CACNA1C: variants seen among roughly 807,000 people sequenced by gnomAD.
CACNA1C encodes voltage-dependent L-type calcium channel subunit alpha-1C.
Under a neutral mutation model 229.0 loss-of-function variants are expected in CACNA1C, and 30 were observed. The observed-to-expected ratio is 0.13, with a 90% CI of 0.10 to 0.18. The LOEUF is 0.18. Among genes scored for constraint, CACNA1C ranks in the 10% least tolerant of loss-of-function variants. The probability of loss-of-function intolerance (pLI) is 1.00; values close to 1 mark genes in which losing one functional copy is unlikely to be tolerated. For synonymous variants in CACNA1C, 1,114 were observed against 1,132.5 expected, an observed-to-expected ratio of 0.98 and a Z score of 0.33; for missense variants, 1,658 against 2,845.0, an observed-to-expected ratio of 0.58 and a Z score of 9.49.
chr12:2,421,130 A>G (rs1247509073), intron 3 of CACNA1C, among the ~76,000 whole-genome samples: 1 of 152,216 alleles, frequency 6.6e-6, no homozygotes, highest in African/African-American at 2.4e-5. Context: ...TCCAACCCAA[A>G]CGTGCAGAAT....
intron 5 of CACNA1C, among the ~76,000 whole-genome samples, chr12:2,458,126 A>T (rs1166939096): frequency 1.3e-5 from 2 of 152,208 alleles, no homozygotes; most frequent in African/African-American, 4.8e-5. Flanking sequence ...TCAGGAAAGC[A>T]TCAGTGGATG....
At chr12:2,231,696 C>T (rs2065192031) in intron 3 of CACNA1C, among the ~76,000 whole-genome samples, 1 of 152,144 alleles carries the variant, frequency 6.6e-6, no homozygotes, top group Non-Finnish European at 1.5e-5. Flanking sequence ...ACAGCTTGAA[C>T]ACAGGACCTA....
In CACNA1C at chr12:2,686,225, A is replaced by T. The variant is rs762490112; in HGVS notation, c.5740A>T (p.Ile1914Phe). Residue 1914 changes from isoleucine (I) to phenylalanine (F), a missense_variant, in exon 45 of 47, where the codon ATC becomes TTC. By Grantham distance (21) the Ile-to-Phe change is conservative (BLOSUM62 0). Coordinates refer to ENST00000399655, the MANE Select transcript of CACNA1C (RefSeq NM_000719.7). ...GCGACAGAAGGACCGAGGGGGAGAC[A>T]TCTCTCAGAAGACAGTCCTGCCCTT... ...LKRQKDRGGD[I>F]SQKTVLPLHL... 1 of 1,613,534 alleles carries T rather than the reference A, an allele frequency of 6.2e-7. No homozygotes were observed. Among genetic ancestry groups the T allele is most frequent in the Non-Finnish European group, 8.5e-7 (1 of 1,179,872 alleles).
chr12:2,280,898 G>A (rs1159465588), intron 3 of CACNA1C, among the ~76,000 whole-genome samples: 1 of 152,130 alleles, frequency 6.6e-6, no homozygotes, highest in East Asian at 1.9e-4. Flanking sequence ...CATCTCTTCT[G>A]TTGACTTATT....
intron 3 of CACNA1C, among the ~76,000 whole-genome samples, chr12:2,408,997 G>A (rs966554745): frequency 1.3e-5 from 2 of 152,116 alleles, no homozygotes; most frequent in Non-Finnish European, 1.5e-5. Context: ...AATCCCAGGT[G>A]TGTTGACTAG....
At position 2,617,545 on chromosome 12, in the gene CACNA1C, A is replaced by G. The variant is rs190775299; in HGVS notation, c.3828+5532A>G. On this transcript the variant is annotated intron_variant, in intron 29 of 46. Transcript: ENST00000399655. Reference sequence around the variant, plus strand: ...AGCCGTCCTCGTATCCAGTGTGCCCATGTGGGGGCAGGGATCCTGTGGCTT... The same window carrying G: ...AGCCGTCCTCGTATCCAGTGTGCCCGTGTGGGGGCAGGGATCCTGTGGCTT... 2.6e-5 allele frequency among the ~76,000 whole-genome samples: 4 copies of G among 152,300 alleles called. No homozygotes were observed. The East Asian group carries it at 7.7e-4, about 29-fold the overall frequency.
At chr12:2,475,477 A>G (rs2099621926) in intron 5 of CACNA1C, among the ~76,000 whole-genome samples, 1 of 152,260 alleles carries the variant, frequency 6.6e-6, no homozygotes, top group African/African-American at 2.4e-5. Flanking sequence ...AACTGTATTT[A>G]CCACATTCAG....
At chr12:1,992,100 A>G in intron 1 of CACNA1C, 1 of 337,090 alleles carries the variant, frequency 3.0e-6, no homozygotes. Flanking sequence ...GTCTTTAGTA[A>G]TAAACTACAA....
At chr12:2,011,871 T>C (rs911504837) in intron 1 of CACNA1C, among the ~76,000 whole-genome samples, 8 of 152,206 alleles carry the variant, frequency 5.3e-5, no homozygotes, top group African/African-American at 1.9e-4. Flanking sequence ...GTGGATGGGC[T>C]CTCGCTGTAG....
rs2238087 is a variant in CACNA1C, at chr12:2,504,550, C to T, written c.1114-292C>T. 0.078 allele frequency: 116,053 copies of T among 1,483,106 alleles called. 4,849 individuals carry two copies. The highest frequency in any genetic ancestry group is 0.13 in the East Asian group (5,582 of 44,228). The allele number at this position is 1,483,106 out of a possible 1,614,324, so 91.9% of individuals were successfully genotyped here. On this transcript the variant is annotated intron_variant, in intron 7 of 46. Transcript: ENST00000399655. The surrounding 1 kb of genome is among the most constrained non-coding windows in gnomAD (Gnocchi z 6.8). ...CGGTGTGTTGAGCGGGTAAGCTGAC[C>T]GTTTCTATGTCCTCTCCACAACGCA...
chr12:2,680,379 A>C (rs1379053934), intron 42 of CACNA1C: 2 of 1,556,010 alleles, frequency 1.3e-6, no homozygotes, highest in African/African-American at 2.7e-5. Context: ...CTGCTGTGAC[A>C]TGCTGGATGG....
chr12:2,373,416 G>A (rs554255999), intron 3 of CACNA1C, among the ~76,000 whole-genome samples: 4 of 152,122 alleles, frequency 2.6e-5, no homozygotes, highest in Non-Finnish European at 4.4e-5. Context: ...GGAGTTTTGG[G>A]GGAGGCTGCA....
intron 3 of CACNA1C, among the ~76,000 whole-genome samples, chr12:2,171,753 G>A (rs778351485): frequency 1.1e-4 from 16 of 152,142 alleles, no homozygotes; most frequent in Non-Finnish European, 2.2e-4. Flanking sequence ...TTCAAATACG[G>A]GTAAGTGCTT....
chr12:2,491,368 G>A (rs897739652), intron 6 of CACNA1C, among the ~76,000 whole-genome samples: 10 of 151,958 alleles, frequency 6.6e-5, no homozygotes, highest in Non-Finnish European at 1.5e-4. Context: ...TAAATTCTGA[G>A]GCATGTAAAT....
chr12:2,661,606 A>G (rs2095744856), intron 34 of CACNA1C, among the ~76,000 whole-genome samples: 2 of 152,188 alleles, frequency 1.3e-5, no homozygotes, highest in African/African-American at 4.8e-5. Context: ...TAAACTTTCC[A>G]GGAACAGAAA....
At chr12:2,484,963 A>C (rs549856420) in intron 5 of CACNA1C, among the ~76,000 whole-genome samples, 92 of 148,624 alleles carry the variant, frequency 6.2e-4, no homozygotes, top group Admixed American at 5.9e-3. Flanking sequence ...GAATCATTCT[A>C]ATCAGCCTTG....
intron 3 of CACNA1C, among the ~76,000 whole-genome samples, chr12:2,419,895 G>A (rs574851523): frequency 6.6e-6 from 1 of 152,230 alleles, no homozygotes; most frequent in African/African-American, 2.4e-5. Context: ...TGTCATCATG[G>A]GTGCCGGGGC....
chr12:2,565,383 C>T lies in CACNA1C; in HGVS notation c.1509-1039C>T, dbSNP rs563883484. On this transcript the variant is annotated intron_variant, in intron 11 of 46. Coordinates refer to ENST00000399655, the MANE Select transcript of CACNA1C (RefSeq NM_000719.7). ...TCGGGAGGCTGAGGCAGGAGAATGG[C>T]GTGAACCCGGGAAGCGGAGCTTGCA... is the stretch of plus-strand genomic sequence containing the variant. Among the ~76,000 whole-genome samples the T allele has an allele frequency of 5.7e-4, 84 of 148,578 alleles. 1 individual carries two copies. The East Asian group carries it at 0.011, about 19-fold the overall frequency.
chr12:1,979,257 G>A (rs570124551), intron 1 of CACNA1C, among the ~76,000 whole-genome samples: 34 of 152,098 alleles, frequency 2.2e-4, no homozygotes, highest in African/African-American at 6.0e-4. Flanking sequence ...CAGGTGATCC[G>A]CCTGCTTCGG....
Sources: allele counts gnomAD v4.1 joint callset (sites outside exome capture counted in the v4.1 genomes callset), GRCh38; gene constraint gnomAD v4.1.1; non-coding constraint Gnocchi (gnomAD v3.1); transcripts MANE v1.5; gene names NCBI Gene and HGNC (gene_info 2026-07-23, HGNC 2026-07-21).